Variants in ALLC observed in about 807,000 individuals in gnomAD.
ALLC encodes the protein allantoicase, also known as probable inactive allantoicase.
A neutral mutation model predicts 45.0 loss-of-function variants in ALLC; 40 were observed. The ratio of observed to expected loss-of-function variants is 0.89; its 90% CI spans 0.69 to 1.16. ALLC has a LOEUF of 1.16. ALLC is among the 50% of genes most tolerant of loss of function. The pLI is 0.00. For synonymous variants in ALLC, 176 were observed against 178.1 expected, an observed-to-expected ratio of 0.99 and a Z score of 0.09; for missense variants, 488 against 493.1, an observed-to-expected ratio of 0.99 and a Z score of 0.10.
chr2:3,694,020 C>G (rs1427448487), intron 7 of ALLC, among the ~76,000 whole-genome samples: 1 of 152,074 alleles, frequency 6.6e-6, no homozygotes, highest in African/African-American at 2.4e-5. Flanking sequence ...AAACAAAAAA[C>G]TGCAAAATAG....
At chr2:3,646,803 A>G in the ALLC span, among the ~76,000 whole-genome samples, 5 of 152,134 alleles carry the variant, frequency 3.3e-5, no homozygotes, top group Non-Finnish European at 5.9e-5. Context: ...GTCAGTTTGA[A>G]TATTTCTCCG....
intron 4 of ALLC, 129 bp downstream of exon 4, chr2:3,678,684 A>T (rs150700575): frequency 5.1e-5 from 37 of 723,650 alleles, no homozygotes; most frequent in Middle Eastern, 7.2e-4. Context: ...GTAATCTTGG[A>T]TGTCCTTATC....
At chr2:3,691,506 A>G (rs1667518341) in intron 7 of ALLC, among the ~76,000 whole-genome samples, 1 of 151,620 alleles carries the variant, frequency 6.6e-6, no homozygotes, top group Non-Finnish European at 1.5e-5. Context: ...CAAGCAATCC[A>G]CCCACCTTGA....
intron 5 of ALLC, 52 bp from the exon 6 acceptor site, chr2:3,681,582 C>A (rs1374678828): frequency 1.5e-6 from 2 of 1,310,472 alleles, no homozygotes; most frequent in African/African-American, 1.5e-5. Flanking sequence ...AGAGTAGATT[C>A]CCTTTGATTT....
intron 1 of ALLC, among the ~76,000 whole-genome samples, chr2:3,663,790 C>G: frequency 6.6e-6 from 1 of 152,286 alleles, no homozygotes. Flanking sequence ...ATAATGGATC[C>G]TTTTCTATAA....
upstream of ALLC, among the ~76,000 whole-genome samples, chr2:3,655,320 G>A (rs1007594609): frequency 2.6e-5 from 4 of 152,264 alleles, no homozygotes; most frequent in East Asian, 3.8e-4. Flanking sequence ...AGAATGGGGC[G>A]TGGATGCAGG....
the ALLC span, among the ~76,000 whole-genome samples, chr2:3,651,311 G>GT: frequency 4.5e-3 from 20 of 4,494 alleles, 4 homozygotes; most frequent in Admixed American, 0.026. Flanking sequence ...TGGGTGGGTG[G>GT]GTGGGGGGGG....
the ALLC span, among the ~76,000 whole-genome samples, chr2:3,650,237 G>T: frequency 6.6e-6 from 1 of 152,204 alleles, no homozygotes; most frequent in African/African-American, 2.4e-5. Context: ...GGGTTCTGGG[G>T]TTTAGGGAAT....
At chr2:3,702,306 T>C (rs2148028045) in intron 11 of ALLC, 57 bp from the exon 12 acceptor site, 5 of 1,517,624 alleles carry the variant, frequency 3.3e-6, no homozygotes, top group Non-Finnish European at 4.5e-6. Context: ...CGTGGGCTCA[T>C]TCGGCCACAC....
chr2:3,669,100 G>A (rs1046039736), intron 1 of ALLC, among the ~76,000 whole-genome samples: 74 of 152,146 alleles, frequency 4.9e-4, no homozygotes, highest in African/African-American at 1.8e-3. Flanking sequence ...ACTTTGGGAG[G>A]CCAAGGAGGG....
At chr2:3,649,936 T>TCGAGGACTTGCTGCC in the ALLC span, among the ~76,000 whole-genome samples, 52 of 152,366 alleles carry the variant, frequency 3.4e-4, no homozygotes, top group African/African-American at 1.2e-3. Context: ...ATGAAACAAT[T>TCGAGGACTTGCTGCC]CGAGGACTTG....
intron 1 of ALLC, among the ~76,000 whole-genome samples, chr2:3,668,434 G>A (rs890835768): frequency 1.3e-5 from 2 of 152,112 alleles, no homozygotes; most frequent in Non-Finnish European, 2.9e-5. Context: ...CTGGGGCTGG[G>A]CTAAGGACGG....
At chr2:3,670,003 G>T (rs879592003) in intron 1 of ALLC, among the ~76,000 whole-genome samples, 17 of 152,190 alleles carry the variant, frequency 1.1e-4, no homozygotes, top group Non-Finnish European at 2.1e-4. Context: ...ATCACCAGGG[G>T]ATGAGGGCGC....
At chr2:3,669,335 G>T (rs560344303) in intron 1 of ALLC, among the ~76,000 whole-genome samples, 28 of 152,298 alleles carry the variant, frequency 1.8e-4, no homozygotes, top group Non-Finnish European at 3.4e-4. Context: ...TTAGCCAGGC[G>T]TGGTGGCAGG....
chr2:3,669,211 C>T (rs535860303), intron 1 of ALLC, among the ~76,000 whole-genome samples: 5 of 152,154 alleles, frequency 3.3e-5, no homozygotes, highest in Middle Eastern at 3.4e-3. Context: ...TGGTGGCTCA[C>T]GCCTGTAATC....
upstream of ALLC, among the ~76,000 whole-genome samples, chr2:3,653,958 G>A (rs779215600): frequency 2.0e-5 from 3 of 152,178 alleles, no homozygotes; most frequent in Non-Finnish European, 4.4e-5. This position sits in a 1 kb window ranked among gnomAD's most constrained non-coding sequence, Gnocchi z 4.1. Context: ...AGCTTGCATG[G>A]TTCCTGTGAC....
rs572544901 is a variant in ALLC at position 3,669,348 on chromosome 2, C to T, written c.-62-1748C>T. Among the ~76,000 whole-genome samples, 13 of 152,310 alleles carry T rather than the reference C, an allele frequency of 8.5e-5. No individual in the cohort carries two copies. In the South Asian group the frequency reaches 2.5e-3, roughly 29 times the overall value. On this transcript the variant is annotated intron_variant, in intron 1 of 11. Coordinates refer to ENST00000252505, the MANE Select transcript of ALLC (RefSeq NM_018436.4). ...AATTAGCCAGGCGTGGTGGCAGGTT[C>T]TTGTAATCTCAGCTACTCGGGAGTC... is the stretch of plus-strand genomic sequence containing the variant.
At chr2:3,652,214 G>A in the ALLC span, among the ~76,000 whole-genome samples, 2 of 152,200 alleles carry the variant, frequency 1.3e-5, no homozygotes, top group African/African-American at 2.4e-5. Flanking sequence ...CAGCAGGTGC[G>A]GGTGGTTGCT....
chr2:3,651,283 GC>G, the ALLC span, among the ~76,000 whole-genome samples: 1 of 109,468 alleles, frequency 9.1e-6, no homozygotes, highest in African/African-American at 3.8e-5. Context: ...GCCGATGCTT[GC>G]GGGAATTCTT....
Sources: gnomAD v4.1 joint callset for allele counts (sites outside exome capture counted in the v4.1 genomes callset) on GRCh38, gnomAD v4.1.1 for gene constraint, Gnocchi (gnomAD v3.1) non-coding constraint, MANE v1.5 for transcripts, NCBI Gene and HGNC (gene_info 2026-07-23, HGNC 2026-07-21) for gene names.